SGSM1: variants seen among roughly 807,000 people sequenced by gnomAD.
The protein encoded by SGSM1 is RUN and TBC1 domain containing 2.
SGSM1 carries 73 observed loss-of-function variants against 133.8 expected under a neutral mutation model. That is an observed-to-expected ratio of 0.55 (90% CI 0.45 to 0.66). The LOEUF is 0.66. Among genes scored for constraint, SGSM1 ranks in the 30% least tolerant of loss-of-function variants. SGSM1 has a pLI of 0.00. For synonymous variants in SGSM1, 563 were observed against 573.0 expected (o/e 0.98, Z 0.25); for missense variants, 1,213 against 1,448.1 (o/e 0.84, Z 2.64).
rs975053264 is a variant in SGSM1, at chr22:24,925,811, T to G, written c.*1537T>G. ...GGGAAACATCTGCTGATGAACTGGG[T>G]CCAGGGCCGTGCTAGGTCTGGGAAC... On this transcript the variant is annotated 3_prime_UTR_variant, in exon 25 of 25. Coordinates refer to ENST00000400358, the MANE Select transcript of SGSM1 (RefSeq NM_001098497.3). The G allele has an allele frequency of 6.6e-6, 1 of 152,322 alleles. No individual in the cohort carries two copies. Among genetic ancestry groups the G allele is most frequent in the Admixed American group, 6.5e-5 (1 of 15,274 alleles). 9.4% of individuals were successfully genotyped at this position (152,322 alleles called of 1,614,324 possible).
intron 8 of SGSM1, among the ~76,000 whole-genome samples, chr22:24,858,635 C>CAAAAAAAAAAAAAAAAAA (rs139699): frequency 1.2e-4 from 10 of 83,030 alleles, no homozygotes; most frequent in African/African-American, 3.2e-4. Flanking sequence ...GACTCCATCT[C>CAAAAAAAAAAAAAAAAAA]AAAAAAAAAA....
chr22:24,833,875 T>C (rs1348524494), intron 2 of SGSM1, among the ~76,000 whole-genome samples: 1 of 152,224 alleles, frequency 6.6e-6, no homozygotes, highest in Non-Finnish European at 1.5e-5. Context: ...AGGGTGGTGC[T>C]CACTTGAGGG....
chr22:24,885,843 T>G (rs749201411), intron 15 of SGSM1, among the ~76,000 whole-genome samples: 12 of 152,174 alleles, frequency 7.9e-5, no homozygotes, highest in Non-Finnish European at 1.5e-4. Flanking sequence ...TACCTGAGTT[T>G]GGCTTTTTCA....
intron 24 of SGSM1, among the ~76,000 whole-genome samples, chr22:24,921,957 T>C (rs1448474584): frequency 6.6e-6 from 1 of 152,042 alleles, no homozygotes; most frequent in Non-Finnish European, 1.5e-5. Context: ...CACCTCAGCT[T>C]CCCAAAGTAC....
At chr22:24,859,692 A>G in intron 8 of SGSM1, 24 bp from the exon 9 acceptor site, 1 of 1,613,298 alleles carries the variant, frequency 6.2e-7, no homozygotes, top group Non-Finnish European at 8.5e-7. Flanking sequence ...CCATGGCCAG[A>G]CCTGAGTCCT....
chr22:24,866,782 C>T (rs554515627), intron 9 of SGSM1, among the ~76,000 whole-genome samples: 3 of 152,110 alleles, frequency 2.0e-5, no homozygotes, highest in Non-Finnish European at 2.9e-5. Flanking sequence ...ACACTGTGGC[C>T]GGAACAGTGG....
At chr22:24,909,956 A>G (rs1434555795) in intron 21 of SGSM1, among the ~76,000 whole-genome samples, 1 of 152,234 alleles carries the variant, frequency 6.6e-6, no homozygotes, top group African/African-American at 2.4e-5. Context: ...ATGTCCATCA[A>G]ATTATGAATG....
chr22:24,864,203 G>T (rs1337396866), intron 9 of SGSM1, among the ~76,000 whole-genome samples: 1 of 152,162 alleles, frequency 6.6e-6, no homozygotes, highest in African/African-American at 2.4e-5. Context: ...CCTACTGTGT[G>T]GAGCAGCAGT....
At chr22:24,883,950 A>G in intron 14 of SGSM1, 103 bp from the exon 15 acceptor site, 2 of 1,392,866 alleles carry the variant, frequency 1.4e-6, no homozygotes, top group Non-Finnish European at 1.9e-6. Flanking sequence ...CAAAACAAAA[A>G]TTTTAAAAAA....
chr22:24,857,407 C>A (rs1229571589), intron 8 of SGSM1, among the ~76,000 whole-genome samples: 1,102 of 120,264 alleles, frequency 9.2e-3, no homozygotes, highest in South Asian at 0.011. Context: ...GACTCTGTCT[C>A]AAAAAAAAAA....
At position 24,855,600 on chromosome 22, in the gene SGSM1, G is replaced by T; in HGVS notation, c.721G>T (p.Ala241Ser). The change falls in exon 8 of 25, where the codon GCC (alanine) becomes TCC (serine). Residue 241 changes from alanine to serine, a missense_variant. Transcript: ENST00000400358. ...CATGGATGACCGGCCATCCCTCTCT[G>T]CCCGCGACTACGTGGAGTCCCTGCA... ...GSMDDRPSLS[A>S]RDYVESLHQN... 6.2e-7 allele frequency: 1 copy of T among 1,613,878 alleles called. No homozygotes were observed. Among genetic ancestry groups the T allele is most frequent in the Non-Finnish European group, 8.5e-7 (1 of 1,179,874 alleles).
chr22:24,886,525 GA>G, intron 15 of SGSM1, 74 bp from the exon 16 acceptor site: 9 of 1,512,540 alleles, frequency 6.0e-6, no homozygotes, highest in Non-Finnish European at 7.1e-6. Flanking sequence ...CCAACATGGT[GA>G]AACCCCATCC....
rs533760799 is a variant in SGSM1 at position 24,895,245 on chromosome 22, G to A, written c.1976G>A (p.Gly659Asp). ...SNESSQSCSSGRQNIRLHSDS... is the reference protein window; with the variant it reads ...SNESSQSCSSDRQNIRLHSDS... ...CAGTCCTCCCAGAGCTGCAGTTCGG[G>A]CCGCCAGAACATCCGCCTGCACAGC... The change falls in exon 18 of 25, where the codon GGC becomes GAC. Residue 659 changes from glycine to aspartate, a missense_variant. Gly to Asp is a moderately conservative substitution (Grantham distance 94). Coordinates refer to ENST00000400358, the MANE Select transcript of SGSM1 (RefSeq NM_001098497.3). The A allele has an allele frequency of 6.2e-7, 1 of 1,611,754 alleles. No individual in the cohort carries two copies. The highest frequency in any genetic ancestry group is 8.5e-7 in the Non-Finnish European group (1 of 1,179,132).
intron 9 of SGSM1, among the ~76,000 whole-genome samples, chr22:24,862,743 G>A (rs1377258987): frequency 6.6e-6 from 1 of 152,222 alleles, no homozygotes; most frequent in African/African-American, 2.4e-5. Flanking sequence ...TGAGCAAGGA[G>A]ATGGATGGAC....
intron 24 of SGSM1, among the ~76,000 whole-genome samples, chr22:24,922,208 C>T (rs1202676160): frequency 3.4e-5 from 4 of 118,112 alleles, no homozygotes; most frequent in Non-Finnish European, 4.9e-5. Flanking sequence ...TTTGTGATGG[C>T]GTCTCGCTCT....
intron 24 of SGSM1, among the ~76,000 whole-genome samples, chr22:24,920,684 A>T (rs576004087): frequency 7.0e-6 from 1 of 143,756 alleles, no homozygotes; most frequent in Non-Finnish European, 1.6e-5. Flanking sequence ...GAAAAAAACA[A>T]AAGAAAAAAG....
In SGSM1 at chr22:24,855,255, G is replaced by C. The variant is rs768162937; in HGVS notation, c.524-30G>C. On this transcript the variant is annotated intron_variant, in intron 6 of 24. Coordinates refer to ENST00000400358, the MANE Select transcript of SGSM1 (RefSeq NM_001098497.3). ...ACATGCGGGAGGACTTTCCGGGGCA[G>C]TGGGTTTCCAGCCCCCACATGCCCC... 4.4e-6 allele frequency: 7 copies of C among 1,596,202 alleles called. No individual in the cohort carries two copies. In the South Asian group the frequency reaches 4.5e-5, roughly 10 times the overall value.
At chr22:24,865,385 G>A (rs1931389325) in intron 9 of SGSM1, among the ~76,000 whole-genome samples, 1 of 152,228 alleles carries the variant, frequency 6.6e-6, no homozygotes. Flanking sequence ...CTGCCCTTGT[G>A]TTCTTGACTG....
At chr22:24,871,076 G>T (rs963951359) in intron 12 of SGSM1, among the ~76,000 whole-genome samples, 2 of 152,200 alleles carry the variant, frequency 1.3e-5, no homozygotes, top group African/African-American at 4.8e-5. Context: ...ATTTGGGATG[G>T]AATAATTCTT....
Sources: allele counts gnomAD v4.1 joint callset (sites outside exome capture counted in the v4.1 genomes callset), GRCh38; gene constraint gnomAD v4.1.1; transcripts MANE v1.5; gene names NCBI Gene and HGNC (gene_info 2026-07-23, HGNC 2026-07-21).